The following OPHN1 variants were observed in gnomAD, a reference collection of about 807,000 sequenced individuals.
The protein encoded by OPHN1 is oligophrenin 1, also known as oligophrenin-1.
OPHN1 carries 11 observed loss-of-function variants against 60.7 expected under a neutral mutation model. That is an observed-to-expected ratio of 0.18 (90% CI 0.11 to 0.30). The LOEUF (loss-of-function observed/expected upper bound fraction) is 0.30. Ranked by LOEUF, OPHN1 falls within the 10% of genes least tolerant of loss-of-function variation. The pLI is 1.00. For synonymous variants in OPHN1, 226 were observed against 222.6 expected (o/e 1.02, Z -0.14); for missense variants, 449 against 611.0 (o/e 0.73, Z 2.80).
At chrX:68,060,408 A>G (rs1176776486) in intron 21 of OPHN1, among the ~76,000 whole-genome samples, 1 of 111,338 alleles carries the variant, frequency 9.0e-6, no homozygotes, top group African/African-American at 3.3e-5. Context: ...TTCTCCATCT[A>G]TAAAAAGGGG....
chrX:68,363,381 C>T (rs1009664560), intron 2 of OPHN1, among the ~76,000 whole-genome samples: 2 of 111,701 alleles, frequency 1.8e-5, no homozygotes, highest in African/African-American at 6.5e-5. Context: ...ACGATCTCAG[C>T]TCACTGCAAC....
intron 6 of OPHN1, among the ~76,000 whole-genome samples, chrX:68,215,608 G>C (rs2077604879): frequency 9.0e-6 from 1 of 111,620 alleles, no homozygotes; most frequent in Non-Finnish European, 1.9e-5. Flanking sequence ...AGAAAATCTT[G>C]AAAGAAGCTA....
At chrX:68,331,444 G>A (rs1476204196) in intron 2 of OPHN1, among the ~76,000 whole-genome samples, 1 of 109,675 alleles carries the variant, frequency 9.1e-6, no homozygotes. Context: ...AAATGAGATC[G>A]ATCTGGGCCA....
At chrX:68,386,725 A>G (rs1258023005) in intron 2 of OPHN1, among the ~76,000 whole-genome samples, 1 of 112,148 alleles carries the variant, frequency 8.9e-6, no homozygotes, top group African/African-American at 3.2e-5. Context: ...AAGTTGTCAT[A>G]TATACTGGGG....
At chrX:68,227,526 T>C (rs985023269) in intron 6 of OPHN1, among the ~76,000 whole-genome samples, 1 of 111,395 alleles carries the variant, frequency 9.0e-6, no homozygotes, top group East Asian at 2.8e-4. Flanking sequence ...CCTCAGCACA[T>C]GTAAAAGAAC....
intron 2 of OPHN1, among the ~76,000 whole-genome samples, chrX:68,317,709 G>GAAAGAAAAGA (rs746793553): frequency 2.0e-4 from 21 of 107,093 alleles, no homozygotes; most frequent in African/African-American, 6.8e-5. Context: ...GAAAGAGAAA[G>GAAAGAAAAGA]AAAGAAAAGA....
rs1267736328 is a variant in OPHN1, at chrX:68,221,503, G to C, written c.487-7531C>G. ...CTAAGCCAAAAGAACAAAGCTGGAG[G>C]CATCACGCTACCTGACTTCAAACTA... On this transcript the variant is annotated intron_variant, in intron 6 of 24. Coordinates refer to ENST00000355520, the MANE Select transcript of OPHN1 (RefSeq NM_002547.3). 3.1e-3 allele frequency among the ~76,000 whole-genome samples: 266 copies of C among 86,775 alleles called. 1 individual carries two copies. The highest frequency in any genetic ancestry group is 5.1e-3 in the Non-Finnish European group (224 of 43,626). 75.4% of individuals were successfully genotyped at this position (86,775 alleles called of 115,157 possible). A position where few individuals can be genotyped will look rare whatever the true frequency, so the allele number is the denominator to read the frequency against.
At chrX:68,153,197 C>T (rs1445038179) in intron 15 of OPHN1, among the ~76,000 whole-genome samples, 5 of 90,739 alleles carry the variant, frequency 5.5e-5, no homozygotes, top group Non-Finnish European at 1.0e-4. Flanking sequence ...GGTGACAGAG[C>T]GAGACTCCAT....
intron 2 of OPHN1, among the ~76,000 whole-genome samples, chrX:68,409,024 A>G (rs192732201): frequency 5.7e-4 from 65 of 113,056 alleles, no homozygotes; most frequent in South Asian, 4.3e-3. Flanking sequence ...AAATTAAGCC[A>G]GAAAAGCAAA....
intron 5 of OPHN1, among the ~76,000 whole-genome samples, chrX:68,239,671 TA>T (rs2077771194): frequency 8.9e-6 from 1 of 112,172 alleles, no homozygotes; most frequent in African/African-American, 3.2e-5. Flanking sequence ...TTATAAAGTT[TA>T]CTGATGCTGC....
At chrX:68,069,643 A>G (rs2076925859) in intron 20 of OPHN1, among the ~76,000 whole-genome samples, 1 of 110,715 alleles carries the variant, frequency 9.0e-6, no homozygotes, top group Non-Finnish European at 1.9e-5. Flanking sequence ...GAGATAATAA[A>G]CATGTGAACA....
At chrX:68,143,010 T>G (rs1353025249) in intron 15 of OPHN1, among the ~76,000 whole-genome samples, 1 of 111,478 alleles carries the variant, frequency 9.0e-6, no homozygotes, top group Non-Finnish European at 1.9e-5. Flanking sequence ...TAGAACAAGC[T>G]TTTCATTTGA....
intron 20 of OPHN1, among the ~76,000 whole-genome samples, chrX:68,064,564 T>C (rs1171600538): frequency 1.8e-5 from 2 of 112,486 alleles, no homozygotes; most frequent in African/African-American, 6.5e-5. Context: ...GAAAAGTATT[T>C]TGTTAAGGTC....
At chrX:68,222,067 C>A (rs1281211331) in intron 6 of OPHN1, among the ~76,000 whole-genome samples, 2 of 107,407 alleles carry the variant, frequency 1.9e-5, no homozygotes, top group South Asian at 4.2e-4. Context: ...ACAATGAACT[C>A]AAACAAATTT....
chrX:68,097,349 T>C (rs1224355085), intron 18 of OPHN1, among the ~76,000 whole-genome samples: 1 of 110,792 alleles, frequency 9.0e-6, no homozygotes, highest in East Asian at 2.9e-4. Flanking sequence ...CAAGAGGACA[T>C]TCAAAGCAAG....
At chrX:68,091,457 G>A (rs1385296027) in intron 19 of OPHN1, among the ~76,000 whole-genome samples, 1 of 110,913 alleles carries the variant, frequency 9.0e-6, no homozygotes, top group South Asian at 3.8e-4. Flanking sequence ...TAAACTAGTT[G>A]GGAAGAACTG....
chrX:68,232,916 T>C (rs2077735070), intron 6 of OPHN1, among the ~76,000 whole-genome samples: 1 of 103,549 alleles, frequency 9.7e-6, no homozygotes, highest in East Asian at 3.0e-4. Context: ...ACTAACTCCA[T>C]CCACAACTAA....
chrX:68,302,639 G>A (rs12392400), intron 2 of OPHN1, among the ~76,000 whole-genome samples: 7,191 of 110,510 alleles, frequency 0.065, 594 homozygotes, highest in African/African-American at 0.23. Context: ...CAATCACGAC[G>A]GGTTGCAGTG....
At chrX:68,400,523 G>T (rs931499675) in intron 2 of OPHN1, among the ~76,000 whole-genome samples, 1 of 111,187 alleles carries the variant, frequency 9.0e-6, no homozygotes, top group Non-Finnish European at 1.9e-5. Context: ...CTTCTAAGGA[G>T]GCCTCAGGAA....
Sources: gnomAD v4.1 joint callset for allele counts (sites outside exome capture counted in the v4.1 genomes callset) on GRCh38, gnomAD v4.1.1 for gene constraint, MANE v1.5 for transcripts, NCBI Gene and HGNC (gene_info 2026-07-23, HGNC 2026-07-21) for gene names.